Variants in ANP32B observed in about 807,000 individuals in gnomAD.
ANP32B encodes the protein acidic nuclear phosphoprotein 32 family member B, also known as acidic leucine-rich nuclear phosphoprotein 32 family member B.
In ANP32B, 6 loss-of-function variants were observed where a neutral mutation model predicts 32.2. The ratio of observed to expected loss-of-function variants is 0.19; its 90% confidence interval spans 0.10 to 0.37. The LOEUF is 0.37. Among genes scored for constraint, ANP32B ranks in the 10% least tolerant of loss-of-function variants. The pLI is 1.00. For synonymous variants in ANP32B, 98 were observed against 105.8 expected, an observed-to-expected ratio of 0.93 and a Z score of 0.45; for missense variants, 204 against 289.2, an observed-to-expected ratio of 0.71 and a Z score of 2.14.
rs1453312388 is a variant in ANP32B at position 98,001,480 on chromosome 9, C to CTT, written c.327+2802_327+2803insTT. On this transcript the variant is annotated intron_variant, in intron 3 of 6. Transcript: ENST00000339399. ...GCGCTGGGATTACAGGCGTGAGCCA[C>CTT]CATGCCTGGCCTTCTCTTTTAATTT... Among the ~76,000 whole-genome samples the CTT allele has an allele frequency of 1.2e-4, 18 of 152,322 alleles. No homozygotes were observed. The Middle Eastern group carries it at 0.01, about 86-fold the overall frequency.
At chr9:98,009,086 T>A (rs1746540775) in intron 4 of ANP32B, among the ~76,000 whole-genome samples, 1 of 152,196 alleles carries the variant, frequency 6.6e-6, no homozygotes, top group Non-Finnish European at 1.5e-5. Flanking sequence ...TTCCCTTCCA[T>A]TGACATATGA....
At chr9:97,989,392 C>T (rs1253976680) in intron 1 of ANP32B, among the ~76,000 whole-genome samples, 2 of 151,972 alleles carry the variant, frequency 1.3e-5, no homozygotes. Context: ...TAAGTGTTTA[C>T]CTTAAATTTG....
At chr9:97,985,915 G>C (rs1225291917) in intron 1 of ANP32B, among the ~76,000 whole-genome samples, 1 of 152,004 alleles carries the variant, frequency 6.6e-6, no homozygotes, top group Non-Finnish European at 1.5e-5. Flanking sequence ...TCCGCTTACC[G>C]GGTTCAAGCG....
Position 98,012,437 on chromosome 9 carries a change from TTGA to T in ANP32B, c.657_659del (p.Asp219del), listed in dbSNP as rs201760343. 5.2e-4 allele frequency: 842 copies of T among 1,612,682 alleles called. 1 individual carries two copies. Among genetic ancestry groups the T allele is most frequent in the Admixed American group, 8.1e-4 (48 of 59,620 alleles). ...ATTCTTTAGGAAGAAGAATTTGGAC[TTGA>T]TGAAGAAGATGAAGATGAGGATGAG... On this transcript the variant is annotated inframe_deletion, in exon 6 of 7. Coordinates refer to ENST00000339399, the MANE Select transcript of ANP32B (RefSeq NM_006401.3).
Position 97,994,789 on chromosome 9 carries a change from T to G in ANP32B, c.204+9T>G, listed in dbSNP as rs1186925917. ...TGCCTAAATTGAAAAAGGTAAGTGC[T>G]TTTTCTTTAACAGTAAAAGAGAACG... On this transcript the variant is annotated intron_variant, in intron 2 of 6. Transcript: ENST00000339399. 1 of 1,580,642 alleles carries G rather than the reference T, an allele frequency of 6.3e-7. No individual in the cohort carries two copies. The highest frequency in any genetic ancestry group is 2.3e-5 in the East Asian group (1 of 44,378).
At chr9:98,010,421 G>GA (rs1369180871) in intron 4 of ANP32B, among the ~76,000 whole-genome samples, 2 of 151,856 alleles carry the variant, frequency 1.3e-5, no homozygotes, top group East Asian at 1.9e-4. Context: ...TATCTGTACA[G>GA]AAAAAATTGT....
At chr9:97,993,168 T>C (rs1280800631) in intron 1 of ANP32B, among the ~76,000 whole-genome samples, 1 of 152,194 alleles carries the variant, frequency 6.6e-6, no homozygotes, top group Admixed American at 6.5e-5. Flanking sequence ...GCCTGGCTTC[T>C]GAAGAGGAAG....
chr9:98,004,534 C>A (rs1056001927), intron 3 of ANP32B, among the ~76,000 whole-genome samples: 7 of 152,140 alleles, frequency 4.6e-5, no homozygotes, highest in African/African-American at 1.7e-4. Flanking sequence ...TGTTATAAAT[C>A]TCTGAATTTT....
intron 1 of ANP32B, chr9:97,984,771 G>A (rs986937583): frequency 6.7e-6 from 1 of 149,898 alleles, no homozygotes; most frequent in Non-Finnish European, 1.5e-5. Flanking sequence ...GACTCATCCC[G>A]TCGCGGGCGC....
chr9:97,993,824 G>A (rs897164563), intron 1 of ANP32B, among the ~76,000 whole-genome samples: 1 of 152,016 alleles, frequency 6.6e-6, no homozygotes, highest in South Asian at 2.1e-4. Context: ...TTGTAGAGGG[G>A]GTTTCACCTT....
intron 4 of ANP32B, among the ~76,000 whole-genome samples, chr9:98,010,574 G>A (rs1046300271): frequency 1.3e-5 from 2 of 152,112 alleles, no homozygotes; most frequent in Admixed American, 1.3e-4. Flanking sequence ...GATGTTGACT[G>A]AGACTCCAAG....
At position 98,015,610 on chromosome 9, in the gene ANP32B, T is replaced by A; in HGVS notation, c.*179T>A. Reference sequence around the variant, plus strand: ...CCGCCTTCCTTCCATGTAGTCCCTCTTGGTAATCTACCACCAAGCTTGTGG... The same window carrying A: ...CCGCCTTCCTTCCATGTAGTCCCTCATGGTAATCTACCACCAAGCTTGTGG... On this transcript the variant is annotated 3_prime_UTR_variant, in exon 7 of 7. Transcript: ENST00000339399. The A allele has an allele frequency of 7.6e-7, 1 of 1,324,450 alleles. No homozygotes were observed. Among genetic ancestry groups the A allele is most frequent in the Non-Finnish European group, 9.7e-7 (1 of 1,029,928 alleles). The allele number at this position is 1,324,450 out of a possible 1,614,324, so 82.0% of individuals were successfully genotyped here.
At chr9:97,997,628 A>C (rs1401537241) in intron 2 of ANP32B, among the ~76,000 whole-genome samples, 1 of 152,262 alleles carries the variant, frequency 6.6e-6, no homozygotes, top group East Asian at 1.9e-4. Context: ...TTGTGAGATC[A>C]GATGAGTTAA....
At chr9:97,983,807 TG>T (rs1448739367) in intron 1 of ANP32B, among the ~76,000 whole-genome samples, 198 bp downstream of exon 1, 1 of 149,416 alleles carries the variant, frequency 6.7e-6, no homozygotes, top group Non-Finnish European at 1.5e-5. Flanking sequence ...CGCGGGCCCC[TG>T]GGGCGGCCGG....
At chr9:97,999,965 G>A (rs1043143458) in intron 3 of ANP32B, among the ~76,000 whole-genome samples, 1 of 152,136 alleles carries the variant, frequency 6.6e-6, no homozygotes, top group African/African-American at 2.4e-5. Context: ...TAAAATAAGT[G>A]GATTTCACAT....
rs545194287 is a variant in ANP32B, at chr9:98,015,352, G to A, written c.689-12G>A. 3.9e-6 allele frequency: 6 copies of A among 1,550,370 alleles called. No homozygotes were observed. The highest frequency in any genetic ancestry group is 1.2e-5 in the South Asian group (1 of 83,862). On this transcript the variant is annotated splice_polypyrimidine_tract_variant and intron_variant, in intron 6 of 6. Transcript: ENST00000339399. ...TTCCACTGTCCTAAAGTCAATTTTT[G>A]TTACTGTACAGAGGAGGAAGAAGGT...
At chr9:98,005,632 G>T (rs893240671) in intron 4 of ANP32B, among the ~76,000 whole-genome samples, 1 of 152,108 alleles carries the variant, frequency 6.6e-6, no homozygotes, top group African/African-American at 2.4e-5. Flanking sequence ...TATAGCTAAG[G>T]CCTATTTCAT....
intron 4 of ANP32B, among the ~76,000 whole-genome samples, chr9:98,005,779 T>G (rs1828071931): frequency 6.6e-6 from 1 of 152,174 alleles, no homozygotes; most frequent in Non-Finnish European, 1.5e-5. Flanking sequence ...GTTTAAACTG[T>G]AAACCGCTTG....
At chr9:98,006,844 C>T (rs1277129856) in intron 4 of ANP32B, among the ~76,000 whole-genome samples, 1 of 152,020 alleles carries the variant, frequency 6.6e-6, no homozygotes, top group Non-Finnish European at 1.5e-5. Context: ...AAAAATTAAC[C>T]AGGCATGGTG....
Sources: gnomAD v4.1 joint callset for allele counts (sites outside exome capture counted in the v4.1 genomes callset) on GRCh38, gnomAD v4.1.1 for gene constraint, MANE v1.5 for transcripts, NCBI Gene and HGNC (gene_info 2026-07-23, HGNC 2026-07-21) for gene names.